Variants in RIN3 observed in about 807,000 individuals in gnomAD.
The protein encoded by RIN3 is RAB5 interacting protein 3.
RIN3 carries 54 observed loss-of-function variants against 76.3 expected under a neutral mutation model. That is an observed-to-expected ratio of 0.71 (90% CI 0.57 to 0.89). RIN3 has a LOEUF of 0.89. Among genes scored for constraint, RIN3 ranks in the 40% least tolerant of loss-of-function variants. RIN3 has a pLI of 0.00. For synonymous variants in RIN3, 576 were observed against 564.0 expected, an observed-to-expected ratio of 1.02 and a Z score of -0.30; for missense variants, 1,256 against 1,322.1, an observed-to-expected ratio of 0.95 and a Z score of 0.78.
chr14:92,531,813 C>T (rs1337994613), intron 1 of RIN3, among the ~76,000 whole-genome samples: 1 of 152,186 alleles, frequency 6.6e-6, no homozygotes, highest in East Asian at 1.9e-4. Context: ...TGACCTCCTC[C>T]CTAGCGTAGA....
intron 5 of RIN3, among the ~76,000 whole-genome samples, chr14:92,644,012 C>T (rs79324130): frequency 0.033 from 5,063 of 152,256 alleles, 228 homozygotes; most frequent in African/African-American, 0.1. Context: ...GCACCAAAGG[C>T]TTTCTGTCCT....
intron 1 of RIN3, among the ~76,000 whole-genome samples, chr14:92,550,179 A>G (rs1194816997): frequency 2.0e-5 from 3 of 152,186 alleles, no homozygotes; most frequent in Admixed American, 6.5e-5. Context: ...AGTCACTTCA[A>G]TCAAATGTGC....
intron 4 of RIN3, among the ~76,000 whole-genome samples, chr14:92,624,415 G>T (rs191226500): frequency 4.6e-5 from 7 of 152,264 alleles, no homozygotes; most frequent in Admixed American, 2.6e-4. Context: ...TTTGCACCGG[G>T]TTACATTGGT....
At position 92,514,736 on chromosome 14, in the gene RIN3, T is replaced by G. The variant is rs1045158855; in HGVS notation, c.44+760T>G. Among the ~76,000 whole-genome samples, 3 of 152,178 alleles carry G rather than the reference T, an allele frequency of 2.0e-5. No homozygotes were observed. Among genetic ancestry groups the G allele is most frequent in the Non-Finnish European group, 4.4e-5 (3 of 68,030 alleles). On this transcript the variant is annotated intron_variant, in intron 1 of 9. Transcript: ENST00000216487. This position sits in a 1 kb window ranked among gnomAD's most constrained non-coding sequence, Gnocchi z 7.2. ...TCGCCCCCAGCCCCACCTCGCGAGCTCGGGCATTGCTCGGGGCTGGGCTCT... is the reference window on the plus strand; with the variant it reads ...TCGCCCCCAGCCCCACCTCGCGAGCGCGGGCATTGCTCGGGGCTGGGCTCT...
intron 7 of RIN3, among the ~76,000 whole-genome samples, chr14:92,675,429 T>C (rs543063307): frequency 1.3e-5 from 2 of 152,326 alleles, no homozygotes; most frequent in African/African-American, 4.8e-5. Flanking sequence ...TTGGATGGAT[T>C]ATTAATCTCA....
intron 7 of RIN3, among the ~76,000 whole-genome samples, chr14:92,664,536 T>G (rs1888013316): frequency 6.6e-6 from 1 of 151,460 alleles, no homozygotes; most frequent in Non-Finnish European, 1.5e-5. Flanking sequence ...CCCAGCTATT[T>G]TTTTTTTGTA....
chr14:92,554,730 G>A (rs375006487), intron 1 of RIN3, among the ~76,000 whole-genome samples: 4 of 152,292 alleles, frequency 2.6e-5, no homozygotes, highest in South Asian at 4.1e-4. Context: ...AGACCAGTCT[G>A]GCTAACATGG....
intron 7 of RIN3, among the ~76,000 whole-genome samples, chr14:92,663,313 A>G (rs1472687927): frequency 6.6e-6 from 1 of 152,232 alleles, no homozygotes; most frequent in African/African-American, 2.4e-5. Flanking sequence ...GATTCGAGGA[A>G]GGAATGGCTC....
chr14:92,603,146 G>A (rs896047939), intron 3 of RIN3, among the ~76,000 whole-genome samples: 6 of 152,210 alleles, frequency 3.9e-5, no homozygotes, highest in Admixed American at 6.5e-5. Context: ...GAGAGCTGCG[G>A]ACTGGACAGG....
At chr14:92,661,235 T>G (rs1256159360) in intron 7 of RIN3, among the ~76,000 whole-genome samples, 1 of 152,188 alleles carries the variant, frequency 6.6e-6, no homozygotes, top group East Asian at 1.9e-4. Context: ...AGAGGGATTC[T>G]CTTCATCTCC....
rs1053039319 is a variant in RIN3, at chr14:92,656,614, G to A, written c.2027-2547G>A. ...TCAAGAGGTGCTAGACTTGGAGTTTGTCCTGGCAGGTGATATGGCAAAGTG... is the reference window on the plus strand; with the variant it reads ...TCAAGAGGTGCTAGACTTGGAGTTTATCCTGGCAGGTGATATGGCAAAGTG... On this transcript the variant is annotated intron_variant, in intron 6 of 9. Coordinates refer to ENST00000216487, the MANE Select transcript of RIN3 (RefSeq NM_024832.5). The surrounding 1 kb of genome is among the most constrained non-coding windows in gnomAD (Gnocchi z 5.2). 2.0e-5 allele frequency among the ~76,000 whole-genome samples: 3 copies of A among 152,234 alleles called. No homozygotes were observed. Among genetic ancestry groups the A allele is most frequent in the African/African-American group, 7.2e-5 (3 of 41,468 alleles).
At chr14:92,624,427 A>G (rs992283377) in intron 4 of RIN3, among the ~76,000 whole-genome samples, 1 of 152,194 alleles carries the variant, frequency 6.6e-6, no homozygotes, top group African/African-American at 2.4e-5. Context: ...TACATTGGTT[A>G]TATCGACAAT....
chr14:92,631,035 G>A (rs1393512811), intron 4 of RIN3, among the ~76,000 whole-genome samples: 1 of 152,210 alleles, frequency 6.6e-6, no homozygotes, highest in South Asian at 2.1e-4. Context: ...TGTCCCAGAG[G>A]CATATCATGT....
intron 5 of RIN3, among the ~76,000 whole-genome samples, chr14:92,647,625 G>A (rs1887247440): frequency 6.6e-6 from 1 of 152,192 alleles, no homozygotes; most frequent in Non-Finnish European, 1.5e-5. Context: ...AACAGCCTCT[G>A]TCTTTGGGAT....
At chr14:92,560,660 G>A (rs1463808883) in intron 2 of RIN3, among the ~76,000 whole-genome samples, 1 of 152,060 alleles carries the variant, frequency 6.6e-6, no homozygotes, top group Non-Finnish European at 1.5e-5. Flanking sequence ...CTGGCAAGGC[G>A]CTTTGCTTCA....
intron 1 of RIN3, among the ~76,000 whole-genome samples, chr14:92,544,314 C>T (rs545581151): frequency 6.6e-6 from 1 of 151,816 alleles, no homozygotes; most frequent in African/African-American, 2.4e-5. Flanking sequence ...ACATCTACAC[C>T]TGGAACCAGG....
intron 5 of RIN3, among the ~76,000 whole-genome samples, chr14:92,650,436 G>A (rs918266856): frequency 3.3e-5 from 5 of 152,200 alleles, no homozygotes; most frequent in South Asian, 2.1e-4. Flanking sequence ...CAGCAAGAAC[G>A]CCATGGATGT....
intron 3 of RIN3, among the ~76,000 whole-genome samples, chr14:92,585,608 G>A (rs1884742793): frequency 6.6e-6 from 1 of 152,130 alleles, no homozygotes; most frequent in African/African-American, 2.4e-5. Flanking sequence ...AATCCTACCT[G>A]AGCTAGTCCA....
chr14:92,555,023 T>A (rs1326742239), intron 1 of RIN3, among the ~76,000 whole-genome samples: 1 of 152,246 alleles, frequency 6.6e-6, no homozygotes, highest in Non-Finnish European at 1.5e-5. Context: ...TATTTTGTGC[T>A]TACAGCACTT....
Sources: allele counts gnomAD v4.1 joint callset (sites outside exome capture counted in the v4.1 genomes callset), GRCh38; gene constraint gnomAD v4.1.1; non-coding constraint Gnocchi (gnomAD v3.1); transcripts MANE v1.5; gene names NCBI Gene and HGNC (gene_info 2026-07-23, HGNC 2026-07-21).